The following PRKN variants were observed in gnomAD, a reference collection of about 807,000 sequenced individuals.
PRKN encodes parkin RBR E3 ubiquitin protein ligase.
Under a neutral mutation model 59.5 loss-of-function variants are expected in PRKN, and 56 were observed. The observed-to-expected ratio is 0.94, with a 90% CI of 0.76 to 1.18. The LOEUF is 1.18. Ranked by LOEUF, PRKN falls within the 50% of genes most tolerant of loss-of-function variation. The pLI, the probability that PRKN is intolerant of heterozygous loss-of-function variation, is 0.00. For synonymous variants in PRKN, 250 were observed against 222.1 expected, an observed-to-expected ratio of 1.13 and a Z score of -1.12; for missense variants, 657 against 596.4, an observed-to-expected ratio of 1.10 and a Z score of -1.06.
chr6:162,677,663 T>C (rs937369031), intron 1 of PRKN, among the ~76,000 whole-genome samples: 17 of 152,126 alleles, frequency 1.1e-4, no homozygotes, highest in Non-Finnish European at 1.9e-4. Context: ...AGCTAGTCTG[T>C]CGATTGCTAG....
chr6:161,966,895 G>A (rs533839574), intron 6 of PRKN, among the ~76,000 whole-genome samples: 8 of 152,286 alleles, frequency 5.3e-5, no homozygotes, highest in Non-Finnish European at 1.0e-4. Flanking sequence ...GCAGTGGCAC[G>A]ATCTTGGCTC....
intron 9 of PRKN, among the ~76,000 whole-genome samples, chr6:161,431,111 C>T (rs1788628163): frequency 6.9e-6 from 1 of 145,824 alleles, no homozygotes; most frequent in South Asian, 2.2e-4. Flanking sequence ...TGCACTTCAG[C>T]CTGGGCAACA....
chr6:162,408,444 G>C (rs1158399044), intron 2 of PRKN, among the ~76,000 whole-genome samples: 1 of 152,086 alleles, frequency 6.6e-6, no homozygotes, highest in Admixed American at 6.6e-5. Context: ...ATTTTGAGAG[G>C]AATTATTACA....
chr6:161,873,134 G>A (rs1794412952), intron 6 of PRKN, among the ~76,000 whole-genome samples: 1 of 151,724 alleles, frequency 6.6e-6, no homozygotes, highest in Non-Finnish European at 1.5e-5. Flanking sequence ...AATCTGTGCT[G>A]AGTCCCCCAA....
intron 6 of PRKN, among the ~76,000 whole-genome samples, chr6:161,794,039 C>T (rs947141862): frequency 1.3e-5 from 2 of 152,116 alleles, no homozygotes; most frequent in African/African-American, 4.8e-5. Flanking sequence ...TCCTGTCAGG[C>T]ACGTTCCCTT....
intron 7 of PRKN, among the ~76,000 whole-genome samples, chr6:161,687,893 T>C (rs1785626984): frequency 6.6e-6 from 1 of 152,230 alleles, no homozygotes; most frequent in Admixed American, 6.5e-5. Flanking sequence ...ATTTGAAGAA[T>C]GTTAAAGGTA....
chr6:162,425,536 G>C lies in PRKN; in HGVS notation c.171+17774C>G, dbSNP rs115981605. On this transcript the variant is annotated intron_variant, in intron 2 of 11. Coordinates refer to ENST00000366898, the MANE Select transcript of PRKN (RefSeq NM_004562.3). ...ACAAGAGCAGGATTCCATCAGAAAA[G>C]GCAGTGACATTGGAAAAAGAATCAC... Among the ~76,000 whole-genome samples, 744 of 152,240 alleles carry C rather than the reference G, an allele frequency of 4.9e-3. 7 individuals are homozygous for C. The highest frequency in any genetic ancestry group is 0.017 in the African/African-American group (689 of 41,526).
At chr6:162,385,682 C>A (rs1446370706) in intron 2 of PRKN, among the ~76,000 whole-genome samples, 1 of 152,110 alleles carries the variant, frequency 6.6e-6, no homozygotes, top group Non-Finnish European at 1.5e-5. Flanking sequence ...GAGTTTCATG[C>A]AGACACGATG....
intron 1 of PRKN, among the ~76,000 whole-genome samples, chr6:162,657,611 A>G (rs1778693916): frequency 6.6e-6 from 1 of 152,176 alleles, no homozygotes; most frequent in Non-Finnish European, 1.5e-5. Flanking sequence ...TTTTTGCCAT[A>G]TTTTCAATGA....
chr6:162,302,435 C>T (rs1782003592), intron 2 of PRKN, among the ~76,000 whole-genome samples: 1 of 152,094 alleles, frequency 6.6e-6, no homozygotes, highest in Non-Finnish European at 1.5e-5. Context: ...AAGGAGACTT[C>T]AATCATGAGA....
chr6:162,085,526 G>A (rs1418696498), intron 4 of PRKN, among the ~76,000 whole-genome samples: 1 of 151,998 alleles, frequency 6.6e-6, no homozygotes, highest in Non-Finnish European at 1.5e-5. Context: ...ATTTAATGGA[G>A]GACATAAAGA....
At chr6:161,654,600 T>C (rs1784270731) in intron 7 of PRKN, among the ~76,000 whole-genome samples, 1 of 152,154 alleles carries the variant, frequency 6.6e-6, no homozygotes, top group African/African-American at 2.4e-5. Flanking sequence ...ATCTAAGGTT[T>C]AGGAAATCCC....
intron 3 of PRKN, among the ~76,000 whole-genome samples, chr6:162,249,237 G>A (rs1562612913): frequency 2.0e-5 from 3 of 152,178 alleles, no homozygotes; most frequent in Non-Finnish European, 4.4e-5. Flanking sequence ...TCGAAAGGCA[G>A]AAAGAAATAC....
At chr6:162,062,912 G>T (rs1778158149) in intron 4 of PRKN, among the ~76,000 whole-genome samples, 1 of 152,078 alleles carries the variant, frequency 6.6e-6, no homozygotes, top group African/African-American at 2.4e-5. Context: ...AATAAAGTGG[G>T]TAAGGAAAAC....
At chr6:162,558,891 C>T (rs1779722970) in intron 1 of PRKN, among the ~76,000 whole-genome samples, 1 of 152,102 alleles carries the variant, frequency 6.6e-6, no homozygotes, top group South Asian at 2.1e-4. Flanking sequence ...ATCTGCCCAC[C>T]TCAGCCTCCC....
intron 7 of PRKN, among the ~76,000 whole-genome samples, chr6:161,639,637 C>A (rs1424764357): frequency 6.6e-6 from 1 of 152,216 alleles, no homozygotes; most frequent in Admixed American, 6.5e-5. Context: ...CCCGATCCAG[C>A]CCCATGGAGA....
intron 4 of PRKN, among the ~76,000 whole-genome samples, chr6:162,187,654 T>C (rs1462453204): frequency 6.6e-6 from 1 of 152,202 alleles, no homozygotes; most frequent in Non-Finnish European, 1.5e-5. Flanking sequence ...GAAATAAAGC[T>C]GTAATTGAAA....
At chr6:162,515,976 G>C (rs79618438) in intron 1 of PRKN, among the ~76,000 whole-genome samples, 16,252 of 152,228 alleles carry the variant, frequency 0.11, 1,156 homozygotes, top group South Asian at 0.19. Flanking sequence ...GCAGCTGTTT[G>C]GTACCACTTG....
chr6:162,214,934 T>C (rs1777572660), intron 3 of PRKN, among the ~76,000 whole-genome samples: 2 of 152,216 alleles, frequency 1.3e-5, no homozygotes, highest in African/African-American at 2.4e-5. Context: ...TGGAGTTGTC[T>C]CTCAATAAGT....
Sources: allele counts gnomAD v4.1 joint callset (sites outside exome capture counted in the v4.1 genomes callset), GRCh38; gene constraint gnomAD v4.1.1; transcripts MANE v1.5; gene names NCBI Gene and HGNC (gene_info 2026-07-23, HGNC 2026-07-21).